The following ITM2C variants were observed in gnomAD, a reference collection of about 807,000 sequenced individuals.
The protein encoded by ITM2C is BRICHOS domain containing 2C.
In ITM2C, 20 loss-of-function variants were observed where a neutral mutation model predicts 30.0. The observed-to-expected ratio is 0.67, with a 90% CI of 0.47 to 0.97. ITM2C has a LOEUF of 0.97. ITM2C is among the 50% of genes least tolerant of loss of function. The pLI, the probability that ITM2C is intolerant of heterozygous loss-of-function variation, is 0.00. For synonymous variants in ITM2C, 167 were observed against 156.4 expected (o/e 1.07, Z -0.51); for missense variants, 366 against 371.9 (o/e 0.98, Z 0.13).
At position 230,877,483 on chromosome 2, in the gene ITM2C, G is replaced by T. The variant is rs35154063; in HGVS notation, c.645G>T (p.Gly215=). ...ATGTCAGTGACAAGGAGGCCCTGGG[G>T]TCCTTCATCTACCACCTGTGCAACG... The part of the protein sequence containing the change: ...TEHVSDKEAL[G]SFIYHLCNGK... Residue 215 remains glycine (G), a synonymous_variant, in exon 5 of 6, where the codon GGG becomes GGT. Coordinates refer to ENST00000326427, the MANE Select transcript of ITM2C (RefSeq NM_030926.6). The surrounding 1 kb of genome is among the most constrained non-coding windows in gnomAD (Gnocchi z 4.8). 2,275 of 1,614,040 alleles carry T rather than the reference G, an allele frequency of 1.4e-3. 34 individuals are homozygous for T. In the African/African-American group the frequency reaches 0.027, roughly 19 times the overall value.
At chr2:230,866,149 T>C (rs2125012573) in intron 1 of ITM2C, among the ~76,000 whole-genome samples, 1 of 152,190 alleles carries the variant, frequency 6.6e-6, no homozygotes, top group East Asian at 1.9e-4. Flanking sequence ...AGCCAGGTTT[T>C]ATTGTGCCTG....
At position 230,877,507 on chromosome 2, in the gene ITM2C, C is replaced by T. The variant is rs545228622; in HGVS notation, c.669C>T (p.Asn223=). 55 of 1,613,956 alleles carry T rather than the reference C, an allele frequency of 3.4e-5. No individual in the cohort carries two copies. Among genetic ancestry groups the T allele is most frequent in the South Asian group, 2.0e-4 (18 of 91,086 alleles). The change falls in exon 5 of 6, where the codon AAC becomes AAT. Residue 223 remains asparagine (N), a synonymous_variant. Transcript: ENST00000326427. The surrounding 1 kb of genome is among the most constrained non-coding windows in gnomAD (Gnocchi z 4.8). ...GGTCCTTCATCTACCACCTGTGCAA[C>T]GGGAAAGACACCTACCGGCTCCGGC... ...ALGSFIYHLC[N]GKDTYRLRRR...
At chr2:230,870,080 C>G (rs1697126913) in intron 1 of ITM2C, among the ~76,000 whole-genome samples, 1 of 152,318 alleles carries the variant, frequency 6.6e-6, no homozygotes, top group Non-Finnish European at 1.5e-5. Flanking sequence ...GTGAGCTGGG[C>G]ACCAGGGATC....
intron 2 of ITM2C, among the ~76,000 whole-genome samples, chr2:230,874,158 T>C (rs1697233813): frequency 6.6e-6 from 1 of 152,220 alleles, no homozygotes. Flanking sequence ...TAAACCTACG[T>C]ACAACTCACA....
At chr2:230,869,475 T>C (rs1444200971) in intron 1 of ITM2C, among the ~76,000 whole-genome samples, 3 of 152,006 alleles carry the variant, frequency 2.0e-5, no homozygotes, top group Non-Finnish European at 4.4e-5. Flanking sequence ...CCCTGGCCTC[T>C]GTGGTCTGGA....
rs1689958382 is a variant in ITM2C at position 230,877,883 on chromosome 2, C to G, written c.713-125C>G. On this transcript the variant is annotated intron_variant, in intron 5 of 5. Transcript: ENST00000326427. This position sits in a 1 kb window ranked among gnomAD's most constrained non-coding sequence, Gnocchi z 4.8. ...CGAGCTCTCCCCATTTCTCACTGTG[C>G]TCTTTGGGTGAATCTGGGTGAATGG... 1 of 758,256 alleles carries G rather than the reference C, an allele frequency of 1.3e-6. No homozygotes were observed. Among genetic ancestry groups the G allele is most frequent in the Non-Finnish European group, 2.2e-6 (1 of 455,992 alleles). The allele number at this position is 758,256 out of a possible 1,614,324, so 47.0% of individuals were successfully genotyped here.
chr2:230,865,085 G>GGCGTCGGCGTCGGCCCCT lies in ITM2C; in HGVS notation c.64_81dup (p.Ser22_Ala27dup), dbSNP rs746290877. ...GCATCAAGGGCGACAAGGCTGACAA[G>GGCGTCGGCGTCGGCCCCT]GCGTCGGCGTCGGCCCCTGCGCCGG... is the stretch of plus-strand genomic sequence containing the variant. On this transcript the variant is annotated inframe_insertion, in exon 1 of 6. Coordinates refer to ENST00000326427, the MANE Select transcript of ITM2C (RefSeq NM_030926.6). The surrounding 1 kb of genome is among the most constrained non-coding windows in gnomAD (Gnocchi z 6.8). 33 of 1,529,706 alleles carry GGCGTCGGCGTCGGCCCCT rather than the reference G, an allele frequency of 2.2e-5. No individual in the cohort carries two copies. Among genetic ancestry groups the GGCGTCGGCGTCGGCCCCT allele is most frequent in the Non-Finnish European group, 2.8e-5 (32 of 1,135,388 alleles). 94.8% of individuals were successfully genotyped at this position (1,529,706 alleles called of 1,614,324 possible).
chr2:230,872,705 T>G (rs1261038295), intron 1 of ITM2C, among the ~76,000 whole-genome samples: 1 of 152,056 alleles, frequency 6.6e-6, no homozygotes, highest in East Asian at 1.9e-4. Context: ...TGCCGGTCGG[T>G]GCCTGTGGGG....
At chr2:230,867,535 G>A (rs1171615903) in intron 1 of ITM2C, among the ~76,000 whole-genome samples, 11 of 152,078 alleles carry the variant, frequency 7.2e-5, no homozygotes, top group African/African-American at 2.2e-4. Context: ...ATTTTGTCCC[G>A]TACTGTTGGG....
intron 3 of ITM2C, 52 bp downstream of exon 3, chr2:230,875,860 T>C: frequency 1.7e-6 from 2 of 1,190,506 alleles, no homozygotes; most frequent in Non-Finnish European, 2.4e-6. Flanking sequence ...TCCCGGGGAC[T>C]CAGGGCAAGG....
Position 230,875,874 on chromosome 2 carries a change from G to A in ITM2C, c.450+66G>A, listed in dbSNP as rs568007232. ...GTCCCGGGGACTCAGGGCAAGGGGA[G>A]CAGGGATGAAAGGAGACTCCTCGGA... On this transcript the variant is annotated intron_variant, in intron 3 of 5. Coordinates refer to ENST00000326427, the MANE Select transcript of ITM2C (RefSeq NM_030926.6). 222 of 1,283,830 alleles carry A rather than the reference G, an allele frequency of 1.7e-4. No homozygotes were observed. The African/African-American group carries it at 2.9e-3, about 17-fold the overall frequency. The allele number at this position is 1,283,830 out of a possible 1,614,324, so 79.5% of individuals were successfully genotyped here.
rs1277223834 is a variant in ITM2C at position 230,875,623 on chromosome 2, G to T, written c.265G>T (p.Ala89Ser). The T allele has an allele frequency of 1.9e-6, 3 of 1,598,916 alleles. No homozygotes were observed. The African/African-American group carries it at 4.0e-5, about 21-fold the overall frequency. Residue 89 changes from alanine to serine, a missense_variant, in exon 3 of 6, where the codon GCC becomes TCC. Coordinates refer to ENST00000326427, the MANE Select transcript of ITM2C (RefSeq NM_030926.6). ...IYRYFFLAQL[A>S]RDNFFRCGVL... ...TCTGTCTCTCCGCCTTGCTCAGCTG[G>T]CCCGAGATAACTTCTTCCGCTGTGG...
chr2:230,874,926 C>G (rs1697252988), intron 2 of ITM2C, among the ~76,000 whole-genome samples: 1 of 152,306 alleles, frequency 6.6e-6, no homozygotes, highest in Middle Eastern at 3.4e-3. Flanking sequence ...CAAGGTTTCT[C>G]CAAGACAGGG....
intron 2 of ITM2C, among the ~76,000 whole-genome samples, chr2:230,874,287 A>G (rs993054081): frequency 6.6e-6 from 1 of 152,162 alleles, no homozygotes; most frequent in Non-Finnish European, 1.5e-5. Flanking sequence ...AAATTGCTGA[A>G]GAGTTTGCAT....
At chr2:230,864,854 GGCGC>G (rs1696982315), upstream of ITM2C, 1 of 807,488 alleles carries the variant, frequency 1.2e-6, no homozygotes, top group Admixed American at 4.6e-5. The surrounding 1 kb of genome is among the most constrained non-coding windows in gnomAD (Gnocchi z 4.3). Flanking sequence ...AGGCGCGGCG[GGCGC>G]CGGGGCCCTC....
chr2:230,871,974 C>G (rs957001614), intron 1 of ITM2C, among the ~76,000 whole-genome samples: 3 of 152,260 alleles, frequency 2.0e-5, no homozygotes, highest in African/African-American at 7.2e-5. Flanking sequence ...AGGGCCTGTC[C>G]TGAGTCACTT....
intron 2 of ITM2C, among the ~76,000 whole-genome samples, chr2:230,875,118 C>T (rs1298423499): frequency 6.6e-6 from 1 of 152,198 alleles, no homozygotes; most frequent in East Asian, 1.9e-4. Flanking sequence ...CGTGCACAGG[C>T]GTAGGTGCCC....
rs1424003510 is a variant in ITM2C, at chr2:230,878,016, A to G, written c.721A>G (p.Lys241Glu). 2 of 1,612,790 alleles carry G rather than the reference A, an allele frequency of 1.2e-6. No homozygotes were observed. Among genetic ancestry groups the G allele is most frequent in the Middle Eastern group, 3.3e-4 (2 of 6,056 alleles). The change falls in exon 6 of 6, where the codon AAG becomes GAG. Residue 241 changes from lysine (K) to glutamate (E), a missense_variant. Physicochemically the swap from Lys to Glu is moderately conservative, Grantham distance 56 (BLOSUM62 1). Transcript: ENST00000326427. This position sits in a 1 kb window ranked among gnomAD's most constrained non-coding sequence, Gnocchi z 4.5. ...RRRATRRRIN[K>E]RGAKNCNAIR... ...TTTCTTTTTCCTCCCAGGGATCAAC[A>G]AGCGTGGGGCCAAGAACTGCAATGC...
intron 3 of ITM2C, 74 bp downstream of exon 3, chr2:230,875,882 GA>G: frequency 4.0e-6 from 5 of 1,242,656 alleles, no homozygotes; most frequent in Non-Finnish European, 5.7e-6. Context: ...GAGCAGGGAT[GA>G]AAGGAGACTC....
Sources: gnomAD v4.1 joint callset for allele counts (sites outside exome capture counted in the v4.1 genomes callset) on GRCh38, gnomAD v4.1.1 for gene constraint, Gnocchi (gnomAD v3.1) non-coding constraint, MANE v1.5 for transcripts, NCBI Gene and HGNC (gene_info 2026-07-23, HGNC 2026-07-21) for gene names.